The following LARP1 variants were observed in gnomAD, a reference collection of about 807,000 sequenced individuals.
LARP1 encodes La ribonucleoprotein 1, translational regulator, also known as la-related protein 1.
A neutral mutation model predicts 122.7 loss-of-function variants in LARP1; 36 were observed. That is an observed-to-expected ratio of 0.29 (90% CI 0.22 to 0.39). The LOEUF (loss-of-function observed/expected upper bound fraction) is 0.39. LARP1 is among the 10% of genes least tolerant of loss of function. The pLI, the probability that LARP1 is intolerant of heterozygous loss-of-function variation, is 1.00. For synonymous variants in LARP1, 539 were observed against 528.7 expected (o/e 1.02, Z -0.27); for missense variants, 1,040 against 1,403.6 (o/e 0.74, Z 4.14).
chr5:154,765,200 A>C (rs1031462013), intron 1 of LARP1, among the ~76,000 whole-genome samples: 1 of 152,080 alleles, frequency 6.6e-6, no homozygotes, highest in Non-Finnish European at 1.5e-5. Flanking sequence ...CCCTTCCAGC[A>C]TCAGTCCTCA....
intron 1 of LARP1, among the ~76,000 whole-genome samples, chr5:154,731,190 A>AG (rs1451710462): frequency 2.0e-5 from 3 of 152,190 alleles, no homozygotes; most frequent in African/African-American, 7.2e-5. Flanking sequence ...GTGTGAAAGG[A>AG]GAAAAAAAAC....
intron 8 of LARP1, among the ~76,000 whole-genome samples, chr5:154,796,034 A>ATATATATTATATATT (rs1351130696): frequency 8.4e-5 from 9 of 106,622 alleles, no homozygotes; most frequent in African/African-American, 2.6e-4. Context: ...ATATATTTTT[A>ATATATATTATATATT]TATATATTAT....
chr5:154,793,412 C>T (rs17615383), intron 4 of LARP1, among the ~76,000 whole-genome samples, 183 bp from the exon 5 acceptor site: 9,871 of 152,168 alleles, frequency 0.065, 453 homozygotes, highest in Middle Eastern at 0.12. Flanking sequence ...AACACACTGA[C>T]GGCCACTGAC....
intron 1 of LARP1, among the ~76,000 whole-genome samples, chr5:154,776,668 T>C (rs1582376585): frequency 6.6e-6 from 1 of 152,164 alleles, no homozygotes; most frequent in East Asian, 1.9e-4. Flanking sequence ...CTTAAATTAA[T>C]TTCTGGAGTT....
intron 1 of LARP1, among the ~76,000 whole-genome samples, chr5:154,761,159 G>C (rs565502719): frequency 6.6e-6 from 1 of 152,344 alleles, no homozygotes; most frequent in East Asian, 1.9e-4. Context: ...GAAGGGGAGA[G>C]TGGGAGGCAG....
At chr5:154,773,599 A>G (rs577762153) in intron 1 of LARP1, among the ~76,000 whole-genome samples, 8 of 152,362 alleles carry the variant, frequency 5.3e-5, no homozygotes, top group African/African-American at 1.9e-4. Context: ...GCTGCCACGC[A>G]GGGATAGGAT....
intron 1 of LARP1, among the ~76,000 whole-genome samples, chr5:154,781,452 G>C (rs1756429429): frequency 6.6e-6 from 1 of 152,070 alleles, no homozygotes; most frequent in Non-Finnish European, 1.5e-5. Flanking sequence ...AATTAGCTGG[G>C]CATGGTGACA....
intron 1 of LARP1, among the ~76,000 whole-genome samples, chr5:154,740,582 C>G (rs1757180498): frequency 6.6e-6 from 1 of 152,178 alleles, no homozygotes. Flanking sequence ...ATGGCTTGCT[C>G]AAGCTCACAC....
Position 154,759,341 on chromosome 5 carries a change from C to A in LARP1, c.436+3148C>A, listed in dbSNP as rs543754212. Among the ~76,000 whole-genome samples, 10 of 152,094 alleles carry A rather than the reference C, an allele frequency of 6.6e-5. No individual in the cohort carries two copies. The South Asian group carries it at 1.9e-3, about 28-fold the overall frequency. ...TATGATGGGGTTGGTGAATGCAGAT[C>A]TTTCCTTTTCTTGTGTTATATAAGT... is the stretch of plus-strand genomic sequence containing the variant. On this transcript the variant is annotated intron_variant, in intron 1 of 18. Transcript: ENST00000518297.
At chr5:154,799,502 G>C (rs1758168213) in intron 8 of LARP1, 89 bp from the exon 9 acceptor site, 1 of 1,407,496 alleles carries the variant, frequency 7.1e-7, no homozygotes, top group East Asian at 2.3e-5. Flanking sequence ...CTCATACCAA[G>C]CTCAGGGGAA....
At chr5:154,767,331 G>A (rs1051434735) in intron 1 of LARP1, among the ~76,000 whole-genome samples, 5 of 152,204 alleles carry the variant, frequency 3.3e-5, no homozygotes, top group Admixed American at 6.5e-5. Flanking sequence ...CTTCTTTTGA[G>A]GCCCTGACTT....
At chr5:154,709,246 C>A (rs1366730081), upstream of LARP1, among the ~76,000 whole-genome samples, 1 of 152,236 alleles carries the variant, frequency 6.6e-6, no homozygotes. Flanking sequence ...AAGAATGATG[C>A]TCTCAGTGCA....
chr5:154,802,156 C>G lies in LARP1; in HGVS notation c.1866C>G (p.Thr622=). Residue 622 remains threonine (T), a synonymous_variant, in exon 11 of 19, where the codon ACC becomes ACG. Coordinates refer to ENST00000518297, the MANE Select transcript of LARP1 (RefSeq NM_033551.3). The surrounding 1 kb of genome is among the most constrained non-coding windows in gnomAD (Gnocchi z 5.1). ...EMEQMDGRKN[T]FTAWSDEESD... Reference sequence around the variant, plus strand: ...AGCAGATGGATGGGCGGAAGAACACCTTCACTGCCTGGTCTGATGAGGAAT... The same window carrying G: ...AGCAGATGGATGGGCGGAAGAACACGTTCACTGCCTGGTCTGATGAGGAAT... 3 of 1,614,188 alleles carry G rather than the reference C, an allele frequency of 1.9e-6. No individual in the cohort carries two copies. In the South Asian group the frequency reaches 3.3e-5, roughly 18 times the overall value.
At chr5:154,741,569 G>A (rs1200758780) in intron 1 of LARP1, among the ~76,000 whole-genome samples, 2 of 152,106 alleles carry the variant, frequency 1.3e-5, no homozygotes, top group Admixed American at 6.6e-5. Context: ...GCAAAGTATC[G>A]GGTGTTTGTG....
chr5:154,789,219 CTT>C (rs757782683), intron 1 of LARP1, among the ~76,000 whole-genome samples: 3 of 91,362 alleles, frequency 3.3e-5, no homozygotes, highest in African/African-American at 4.7e-5. Context: ...TCAAAACAAA[CTT>C]TTTTTTTTTT....
At chr5:154,723,589 C>G (rs77164380) in intron 1 of LARP1, among the ~76,000 whole-genome samples, 27 of 152,182 alleles carry the variant, frequency 1.8e-4, no homozygotes, top group African/African-American at 5.8e-4. Context: ...GACATATATT[C>G]TAGGGGGGAA....
chr5:154,797,231 T>TG (rs1561618089), intron 8 of LARP1, among the ~76,000 whole-genome samples: 8 of 123,804 alleles, frequency 6.5e-5, no homozygotes, highest in African/African-American at 2.8e-4. Flanking sequence ...GTTTTTTTTT[T>TG]TTTTTTTTTT....
intron 1 of LARP1, among the ~76,000 whole-genome samples, chr5:154,759,184 C>T (rs1258495622): frequency 6.6e-6 from 1 of 152,054 alleles, no homozygotes; most frequent in Non-Finnish European, 1.5e-5. Context: ...ATTCACCTGC[C>T]TCATGGGGGT....
Position 154,685,792 on chromosome 5 carries a change from G to A in LARP1, c.-180+2755G>A, listed in dbSNP as rs749521848. ...TTGAGATCAGGCTGGGCAACATAGCGAGACCTCAACTCTACAATTTTTTTT... is the reference window on the plus strand; with the variant it reads ...TTGAGATCAGGCTGGGCAACATAGCAAGACCTCAACTCTACAATTTTTTTT... On this transcript the variant is annotated intron_variant, in intron 1 of 18. Coordinates refer to the LARP1 transcript ENST00000687700. The A allele has an allele frequency of 6.0e-6, 3 of 503,612 alleles. No homozygotes were observed. In the African/African-American group the frequency reaches 6.1e-5, roughly 10 times the overall value. The allele number at this position is 503,612 out of a possible 1,614,324, so 31.2% of individuals were successfully genotyped here.
Sources: gnomAD v4.1 joint callset for allele counts (sites outside exome capture counted in the v4.1 genomes callset) on GRCh38, gnomAD v4.1.1 for gene constraint, Gnocchi (gnomAD v3.1) non-coding constraint, MANE v1.5 for transcripts, NCBI Gene and HGNC (gene_info 2026-07-23, HGNC 2026-07-21) for gene names.